BSN: variants seen among roughly 807,000 people sequenced by gnomAD.
BSN encodes the protein bassoon presynaptic cytomatrix protein, also known as protein bassoon.
A neutral mutation model predicts 264.8 loss-of-function variants in BSN; 57 were observed. That is an observed-to-expected ratio of 0.22 (90% confidence interval 0.17 to 0.27). The LOEUF is 0.27. Among genes scored for constraint, BSN ranks in the 10% least tolerant of loss-of-function variants. The pLI is 1.00. For missense variants in BSN, 4,615 were observed against 5,232.5 expected (o/e 0.88, Z 3.64); for synonymous variants, 2,059 against 2,137.3 (o/e 0.96, Z 1.01).
chr3:49,582,928 T>G (rs2051905780), intron 1 of BSN, among the ~76,000 whole-genome samples: 1 of 151,222 alleles, frequency 6.6e-6, no homozygotes. Context: ...TTCATTCCCT[T>G]CATTCTATTA....
intron 1 of BSN, among the ~76,000 whole-genome samples, chr3:49,612,883 A>G (rs2052219194): frequency 6.6e-6 from 1 of 152,254 alleles, no homozygotes; most frequent in South Asian, 2.1e-4. Context: ...CTGTAATCCC[A>G]GCACTTTGGG....
At chr3:49,632,543 C>T (rs2052390253) in intron 2 of BSN, among the ~76,000 whole-genome samples, 2 of 152,168 alleles carry the variant, frequency 1.3e-5, no homozygotes, top group African/African-American at 2.4e-5. Flanking sequence ...GTGGCTCATG[C>T]CTGTAATCCC....
At position 49,655,132 on chromosome 3, in the gene BSN, A is replaced by G. The variant is rs759948975; in HGVS notation, c.5576A>G (p.Lys1859Arg). 6 of 1,612,512 alleles carry G rather than the reference A, an allele frequency of 3.7e-6. No individual in the cohort carries two copies. In the Admixed American group the frequency reaches 1.0e-4, roughly 27 times the overall value. ...TCACATGCTCTGCCAGGTGCCAGGA[A>G]GCCACACACAGTGGTGGTGCAGATG... is the stretch of plus-strand genomic sequence containing the variant. ...LRSHALPGAR[K>R]PHTVVVQMGE... Residue 1859 changes from lysine to arginine, a missense_variant, in exon 5 of 12, where the codon AAG (lysine) becomes AGG (arginine). Transcript: ENST00000296452.
intron 1 of BSN, among the ~76,000 whole-genome samples, chr3:49,565,383 C>T (rs1435320900): frequency 1.5e-5 from 2 of 135,718 alleles, no homozygotes; most frequent in African/African-American, 2.8e-5. Flanking sequence ...TGCAGTGGTG[C>T]GATCTCAGCT....
intron 2 of BSN, among the ~76,000 whole-genome samples, chr3:49,632,096 A>C (rs1275612759): frequency 2.0e-5 from 3 of 152,212 alleles, no homozygotes; most frequent in Admixed American, 2.0e-4. Flanking sequence ...TTTTCAACAA[A>C]TGGTGTTGGG....
Position 49,669,207 on chromosome 3 carries a change from G to C in BSN, c.*1722G>C, listed in dbSNP as rs1410186898. The stretch of plus-strand genomic sequence containing the variant: ...GCACTTCTAGCTGACTTCTGCACAA[G>C]CTAGTGAGGACCTGCCAGAATTGTT... On this transcript the variant is annotated 3_prime_UTR_variant, in exon 12 of 12. Coordinates refer to ENST00000296452, the MANE Select transcript of BSN (RefSeq NM_003458.4). 6.6e-6 allele frequency: 1 copy of C among 152,614 alleles called. No individual in the cohort carries two copies. The highest frequency in any genetic ancestry group is 1.5e-5 in the Non-Finnish European group (1 of 68,044). 9.5% of individuals were successfully genotyped at this position (152,614 alleles called of 1,614,324 possible).
intron 1 of BSN, among the ~76,000 whole-genome samples, chr3:49,589,883 G>A (rs533538773): frequency 1.3e-5 from 2 of 149,510 alleles, no homozygotes; most frequent in South Asian, 2.1e-4. Context: ...CTGTCGCCAG[G>A]CTGGAGTGCA....
chr3:49,634,939 G>A (rs1309909029), intron 2 of BSN, among the ~76,000 whole-genome samples: 1 of 152,152 alleles, frequency 6.6e-6, no homozygotes, highest in Non-Finnish European at 1.5e-5. Context: ...CAGCCTGCAG[G>A]GGTAGCGGGT....
At chr3:49,597,870 C>T in intron 1 of BSN, among the ~76,000 whole-genome samples, 1 of 151,626 alleles carries the variant, frequency 6.6e-6, no homozygotes, top group East Asian at 1.9e-4. Context: ...GTCTCGATCT[C>T]CTGACCTCGT....
rs1440865151 is a variant in BSN, at chr3:49,653,445, T to C, written c.3889T>C (p.Tyr1297His). ...GCAGTTTCTAAATGCTGAGAGTGCA[T>C]ACATGGACCCAATGAAGCAAAATGG... ...EKQFLNAESA[Y>H]MDPMKQNGGP... The change falls in exon 5 of 12, where the codon TAC becomes CAC. Residue 1297 changes from tyrosine to histidine, a missense_variant. Physicochemically the swap from Tyr to His is moderately conservative, Grantham distance 83 (BLOSUM62 2). Coordinates refer to ENST00000296452, the MANE Select transcript of BSN (RefSeq NM_003458.4). The surrounding 1 kb of genome is among the most constrained non-coding windows in gnomAD (Gnocchi z 6.3). 4 of 1,613,980 alleles carry C rather than the reference T, an allele frequency of 2.5e-6. No homozygotes were observed. The South Asian group carries it at 3.3e-5, about 13-fold the overall frequency.
chr3:49,612,229 G>A (rs535466683), intron 1 of BSN, among the ~76,000 whole-genome samples: 19 of 151,132 alleles, frequency 1.3e-4, no homozygotes, highest in Admixed American at 3.3e-4. Flanking sequence ...TCCGCCTCCC[G>A]GGTTCACGCC....
At position 49,669,600 on chromosome 3, in the gene BSN, A is replaced by T. The variant is rs2052740838; in HGVS notation, c.*2115A>T. ...TTCATGCCTCTCCTCTGTGGCTAGG[A>T]GGCTCAAAGGACTGTGAGCCAGGAG... On this transcript the variant is annotated 3_prime_UTR_variant, in exon 12 of 12. Transcript: ENST00000296452. The T allele has an allele frequency of 6.6e-6, 1 of 152,368 alleles. No individual in the cohort carries two copies. The highest frequency in any genetic ancestry group is 2.4e-5 in the African/African-American group (1 of 41,432). The allele number at this position is 152,368 out of a possible 1,614,324, so 9.4% of individuals were successfully genotyped here. A position where few individuals can be genotyped will look rare whatever the true frequency, so the allele number is the denominator to read the frequency against.
Position 49,654,034 on chromosome 3 carries a change from C to G in BSN, c.4478C>G (p.Pro1493Arg), listed in dbSNP as rs140933927. The G allele has an allele frequency of 5.0e-6, 8 of 1,613,786 alleles. No individual in the cohort carries two copies. Among genetic ancestry groups the G allele is most frequent in the African/African-American group, 2.7e-5 (2 of 74,920 alleles). The change falls in exon 5 of 12, where the codon CCT becomes CGT. Residue 1493 changes from proline (P) to arginine (R), a missense_variant. Physicochemically the swap from Pro to Arg is moderately radical, Grantham distance 103. Transcript: ENST00000296452. The surrounding 1 kb of genome is among the most constrained non-coding windows in gnomAD (Gnocchi z 4.1). ...SSPSESPTFSPGKMGPRATAE... is the reference protein window; with the variant it reads ...SSPSESPTFSRGKMGPRATAE... The stretch of plus-strand genomic sequence containing the variant: ...CCCTCAGAGAGTCCCACATTCTCCC[C>G]TGGCAAGATGGGCCCAAGGGCCACA...
At chr3:49,648,486 C>A (rs2052516192) in intron 3 of BSN, among the ~76,000 whole-genome samples, 1 of 152,254 alleles carries the variant, frequency 6.6e-6, no homozygotes, top group African/African-American at 2.4e-5. Context: ...ATAGCCCTGC[C>A]ATCTCTCCAG....
intron 1 of BSN, among the ~76,000 whole-genome samples, chr3:49,565,474 C>T (rs1413706077): frequency 6.6e-6 from 1 of 152,038 alleles, no homozygotes; most frequent in Non-Finnish European, 1.5e-5. Flanking sequence ...CCGCCCGCCA[C>T]TACTCCCAGC....
In BSN at chr3:49,663,511, C is replaced by A; in HGVS notation, c.11353C>A (p.Leu3785Ile). 1 of 1,612,944 alleles carries A rather than the reference C, an allele frequency of 6.2e-7. No individual in the cohort carries two copies. Among genetic ancestry groups the A allele is most frequent in the African/African-American group, 1.3e-5 (1 of 75,070 alleles). Residue 3785 changes from leucine to isoleucine, a missense_variant, in exon 7 of 12, where the codon CTT becomes ATT. Physicochemically the swap from Leu to Ile is conservative, Grantham distance 5. Around this residue, in one of 3 missense-constraint regions of BSN, gnomAD observed 3,415 missense variants for 3,866.4 expected, o/e 0.88. Coordinates refer to ENST00000296452, the MANE Select transcript of BSN (RefSeq NM_003458.4). Reference protein sequence around the residue: ...QPQTQQQQQGLGLQPPQQALT... With the variant: ...QPQTQQQQQGIGLQPPQQALT... ...ACAGACACAGCAGCAGCAGCAAGGTCTTGGGCTGCAGCCCCCACAGCAGGC... is the reference window on the plus strand; with the variant it reads ...ACAGACACAGCAGCAGCAGCAAGGTATTGGGCTGCAGCCCCCACAGCAGGC...
chr3:49,622,476 C>T (rs1270130625), intron 1 of BSN, among the ~76,000 whole-genome samples: 1 of 152,050 alleles, frequency 6.6e-6, no homozygotes, highest in African/African-American at 2.4e-5. Flanking sequence ...CTAAATGTCT[C>T]CAGAAAGACT....
chr3:49,650,951 C>T lies in BSN; in HGVS notation c.1858C>T (p.Pro620Ser), dbSNP rs377595563. Reference protein sequence around the residue: ...TRVPTKAEPMPKPPPETTPTP... With the variant: ...TRVPTKAEPMSKPPPETTPTP... ...AGTCCCCACTAAAGCTGAGCCCATGCCGAAGCCACCTCCAGAGACTACCCC... is the reference window on the plus strand; with the variant it reads ...AGTCCCCACTAAAGCTGAGCCCATGTCGAAGCCACCTCCAGAGACTACCCC... The change falls in exon 4 of 12, where the codon CCG becomes TCG. Residue 620 changes from proline to serine, a missense_variant. By Grantham distance (74) the Pro-to-Ser change is moderately conservative. Coordinates refer to ENST00000296452, the MANE Select transcript of BSN (RefSeq NM_003458.4). The T allele has an allele frequency of 1.7e-5, 28 of 1,614,212 alleles. No individual in the cohort carries two copies. Among genetic ancestry groups the T allele is most frequent in the Non-Finnish European group, 1.3e-5 (15 of 1,180,046 alleles).
Position 49,643,168 on chromosome 3 carries a change from A to C in BSN, c.1518+16A>C. 6.3e-7 allele frequency: 1 copy of C among 1,596,374 alleles called. No individual in the cohort carries two copies. The highest frequency in any genetic ancestry group is 8.6e-7 in the Non-Finnish European group (1 of 1,168,894). On this transcript the variant is annotated intron_variant, in intron 3 of 11. Transcript: ENST00000296452. ...CCTGGTGGAGGTAAGAGCTGGACCA[A>C]GCATGCTCCCTTGAACCTTGATGAG... is the stretch of plus-strand genomic sequence containing the variant.
Sources: gnomAD v4.1 joint callset for allele counts (sites outside exome capture counted in the v4.1 genomes callset) on GRCh38, gnomAD v4.1.1 for gene constraint, gnomAD v4.1.1 regional missense constraint, Gnocchi (gnomAD v3.1) non-coding constraint, MANE v1.5 for transcripts, NCBI Gene and HGNC (gene_info 2026-07-23, HGNC 2026-07-21) for gene names.